RERE: variants seen among roughly 807,000 people sequenced by gnomAD.
The protein encoded by RERE is arginine-glutamic acid dipeptide repeats protein.
A neutral mutation model predicts 146.1 loss-of-function variants in RERE; 40 were observed. The ratio of observed to expected loss-of-function variants is 0.27; its 90% confidence interval spans 0.21 to 0.36. The LOEUF is 0.36. RERE is among the 10% of genes least tolerant of loss of function. The pLI is 1.00. For synonymous variants in RERE, 1,003 were observed against 866.0 expected (o/e 1.16, Z -2.78); for missense variants, 1,933 against 2,138.7 (o/e 0.90, Z 1.90).
chr1:8,657,572 C>A (rs192400682), intron 1 of RERE, among the ~76,000 whole-genome samples: 1 of 152,082 alleles, frequency 6.6e-6, no homozygotes, highest in Non-Finnish European at 1.5e-5. Flanking sequence ...ACTGGCCAGG[C>A]GTGGTGGCTC....
intron 11 of RERE, among the ~76,000 whole-genome samples, chr1:8,456,224 C>T (rs1644451888): frequency 6.6e-6 from 1 of 152,142 alleles, no homozygotes. Flanking sequence ...TAATTCAGAG[C>T]ATGACATCTA....
chr1:8,504,069 T>C (rs901659774), intron 8 of RERE, among the ~76,000 whole-genome samples: 1 of 152,246 alleles, frequency 6.6e-6, no homozygotes, highest in Non-Finnish European at 1.5e-5. Context: ...ATTTAGAATG[T>C]ATTTTATCTT....
In RERE at chr1:8,361,277, G is replaced by A; in HGVS notation, c.2230C>T (p.Pro744Ser). 6.3e-7 allele frequency: 1 copy of A among 1,595,954 alleles called. No individual in the cohort carries two copies. Among genetic ancestry groups the A allele is most frequent in the Non-Finnish European group, 8.5e-7 (1 of 1,171,648 alleles). ...LQAQPPALQA[P>S]TGVTPAPSSA... ...GAGGGAGCTGGGGTGACCCCAGTGG[G>A]AGCCTGCAAGGCTGGGGGCTGGGCC... The change falls in exon 18 of 23, where the codon CCC becomes TCC. Residue 744 changes from proline to serine, a missense_variant. Transcript: ENST00000400908.
chr1:8,474,838 C>CTTAA (rs1644732761), intron 10 of RERE, among the ~76,000 whole-genome samples: 1 of 152,148 alleles, frequency 6.6e-6, no homozygotes, highest in Non-Finnish European at 1.5e-5. Context: ...AAAAAGCCTA[C>CTTAA]TTAAGTTAGA....
At chr1:8,367,384 T>G (rs1641852074) in intron 12 of RERE, among the ~76,000 whole-genome samples, 1 of 152,158 alleles carries the variant, frequency 6.6e-6, no homozygotes. Flanking sequence ...TGCCTGGGCA[T>G]TTTTGTAAGA....
intron 12 of RERE, among the ~76,000 whole-genome samples, chr1:8,386,023 T>TATATATATATATATA (rs1491131483): frequency 9.2e-5 from 2 of 21,734 alleles, no homozygotes; most frequent in African/African-American, 2.0e-4. Context: ...TATATATATA[T>TATATATATATATATA]TTTTTTTTTT....
At chr1:8,719,905 T>C (rs763389745) in intron 1 of RERE, among the ~76,000 whole-genome samples, 16 of 152,220 alleles carry the variant, frequency 1.1e-4, no homozygotes, top group Non-Finnish European at 1.6e-4. Context: ...TTTGCTGCTA[T>C]ATGAAGCAAC....
chr1:8,761,509 C>T (rs1335616155), intron 1 of RERE, among the ~76,000 whole-genome samples: 1 of 152,186 alleles, frequency 6.6e-6, no homozygotes, highest in Non-Finnish European at 1.5e-5. Context: ...ATGCTTCACA[C>T]CTCCCCCACA....
At chr1:8,597,079 T>C (rs1344422778) in intron 4 of RERE, among the ~76,000 whole-genome samples, 2 of 146,414 alleles carry the variant, frequency 1.4e-5, no homozygotes, top group Non-Finnish European at 3.0e-5. Context: ...ATTTAATTTG[T>C]ACTGATGCTG....
At chr1:8,480,964 A>C (rs943491418) in intron 10 of RERE, among the ~76,000 whole-genome samples, 2 of 152,220 alleles carry the variant, frequency 1.3e-5, no homozygotes, top group African/African-American at 4.8e-5. Flanking sequence ...TGAACTTTCT[A>C]ACTTATGCCA....
At position 8,690,085 on chromosome 1, in the gene RERE, G is replaced by A. The variant is rs144756365; in HGVS notation, c.-144-33644C>T. 2.7e-3 allele frequency among the ~76,000 whole-genome samples: 404 copies of A among 152,272 alleles called. 1 individual carries two copies. The highest frequency in any genetic ancestry group is 8.7e-3 in the African/African-American group (361 of 41,542). On this transcript the variant is annotated intron_variant, in intron 1 of 22. Coordinates refer to ENST00000400908, the MANE Select transcript of RERE (RefSeq NM_001042681.2). The stretch of plus-strand genomic sequence containing the variant: ...TAAAATTTATGCTCTGTATTAGTCC[G>A]CCATAACAGAATACCACAGACTGGG...
In RERE at chr1:8,595,288, T is replaced by C. The variant is rs962977714; in HGVS notation, c.522+19273A>G. ...ATTTTATTTCATCTGAAAAAAAAAA[T>C]GCTAAAGCATTTGTCCATATCCATA... On this transcript the variant is annotated intron_variant, in intron 4 of 22. Coordinates refer to ENST00000400908, the MANE Select transcript of RERE (RefSeq NM_001042681.2). Among the ~76,000 whole-genome samples the C allele has an allele frequency of 4.6e-5, 7 of 151,574 alleles. No homozygotes were observed. The East Asian group carries it at 9.7e-4, about 21-fold the overall frequency.
At chr1:8,507,345 G>A (rs995505357) in intron 8 of RERE, among the ~76,000 whole-genome samples, 1 of 152,240 alleles carries the variant, frequency 6.6e-6, no homozygotes, top group Non-Finnish European at 1.5e-5. Context: ...AAGAGCAACA[G>A]TCGTGACACA....
intron 1 of RERE, among the ~76,000 whole-genome samples, chr1:8,801,653 T>G (rs1641593965): frequency 6.6e-6 from 1 of 152,204 alleles, no homozygotes; most frequent in African/African-American, 2.4e-5. Flanking sequence ...TTTCATAATA[T>G]CCAGGGATGG....
chr1:8,356,362 G>T lies in RERE; in HGVS notation c.4340-116C>A, dbSNP rs1367734431. On this transcript the variant is annotated intron_variant, in intron 20 of 22. Transcript: ENST00000400908. The surrounding 1 kb of genome is among the most constrained non-coding windows in gnomAD (Gnocchi z 5.2). ...ACCCAGGATGGCTCCTGGTCACCAG[G>T]GCTGGATGCACCACCTGGCTACAGG... 3.3e-6 allele frequency: 4 copies of T among 1,213,268 alleles called. No homozygotes were observed. Among genetic ancestry groups the T allele is most frequent in the Non-Finnish European group, 4.3e-6 (4 of 927,434 alleles). The allele number at this position is 1,213,268 out of a possible 1,614,324, so 75.2% of individuals were successfully genotyped here.
intron 1 of RERE, among the ~76,000 whole-genome samples, chr1:8,708,213 C>T (rs1242371788): frequency 1.3e-5 from 2 of 152,160 alleles, no homozygotes; most frequent in Non-Finnish European, 1.5e-5. Flanking sequence ...GGGAAGGACC[C>T]GGTTGGAGAT....
At chr1:8,557,606 G>A in intron 4 of RERE, 83 bp from the exon 5 acceptor site, 1 of 834,296 alleles carries the variant, frequency 1.2e-6, no homozygotes, top group Admixed American at 1.8e-5. Flanking sequence ...AAAAGCCCCT[G>A]TAAACGGGTG....
At chr1:8,609,071 A>C (rs909582869) in intron 4 of RERE, among the ~76,000 whole-genome samples, 28 of 152,110 alleles carry the variant, frequency 1.8e-4, no homozygotes, top group African/African-American at 6.8e-4. Flanking sequence ...TACAAAAATT[A>C]GCCAGGTGTG....
At chr1:8,490,223 C>T (rs530194566) in intron 10 of RERE, among the ~76,000 whole-genome samples, 2 of 140,998 alleles carry the variant, frequency 1.4e-5, no homozygotes, top group African/African-American at 6.3e-5. Context: ...ATTAGCTGGA[C>T]GTGGTGGCAC....
Sources: allele counts gnomAD v4.1 joint callset (sites outside exome capture counted in the v4.1 genomes callset), GRCh38; gene constraint gnomAD v4.1.1; non-coding constraint Gnocchi (gnomAD v3.1); transcripts MANE v1.5; gene names NCBI Gene and HGNC (gene_info 2026-07-23, HGNC 2026-07-21).